Variants in CCDC138 observed in about 807,000 individuals in gnomAD.
CCDC138 encodes coiled-coil domain-containing protein 138.
CCDC138 carries 66 observed loss-of-function variants against 82.3 expected under a neutral mutation model. The observed-to-expected ratio is 0.80, with a 90% CI of 0.66 to 0.98. The LOEUF is 0.98. Ranked by LOEUF, CCDC138 falls within the 50% of genes least tolerant of loss-of-function variation. The pLI, the probability that CCDC138 is intolerant of heterozygous loss-of-function variation, is 0.00. For synonymous variants in CCDC138, 297 were observed against 265.4 expected, an observed-to-expected ratio of 1.12 and a Z score of -1.16; for missense variants, 816 against 758.9, an observed-to-expected ratio of 1.08 and a Z score of -0.88.
chr2:108,854,026 ATATTATATATAATATATAATAAATT>A, intron 12 of CCDC138, among the ~76,000 whole-genome samples: 1 of 108,176 alleles, frequency 9.2e-6, no homozygotes, highest in African/African-American at 3.7e-5. Flanking sequence ...TAATAAATTT[ATATTATATATAATATATAATAAATT>A]TATATTATAT....
chr2:108,876,801 T>C (rs72836527), downstream of CCDC138, among the ~76,000 whole-genome samples: 1,770 of 152,292 alleles, frequency 0.012, 16 homozygotes, highest in Non-Finnish European at 0.02. Flanking sequence ...GTTTTCAAAA[T>C]AATTATTACT....
intron 14 of CCDC138, among the ~76,000 whole-genome samples, chr2:108,874,074 A>G (rs1695667645): frequency 6.6e-6 from 1 of 152,204 alleles, no homozygotes; most frequent in Non-Finnish European, 1.5e-5. Context: ...TAAATGCTTC[A>G]TATAAAAGTA....
Position 108,794,501 on chromosome 2 carries a change from TTAA to T in CCDC138, c.395-35_395-33del, listed in dbSNP as rs776558409. 4.5e-6 allele frequency: 7 copies of T among 1,544,602 alleles called. No individual in the cohort carries two copies. The South Asian group carries it at 7.3e-5, about 16-fold the overall frequency. ...CTCTGAGAATATTTGAAACAATAAG[TTAA>T]TAAAGTTTATAATGCAAATGTTATT... On this transcript the variant is annotated intron_variant, in intron 4 of 14. Transcript: ENST00000295124.
chr2:108,786,828 G>A lies in CCDC138; in HGVS notation c.6G>A (p.Glu2=), dbSNP rs763585553. 1.9e-6 allele frequency: 3 copies of A among 1,589,944 alleles called. No individual in the cohort carries two copies. The highest frequency in any genetic ancestry group is 3.4e-4 in the Middle Eastern group (2 of 5,954). The change falls in exon 1 of 15, where the codon GAG becomes GAA. Residue 2 remains glutamate, a synonymous_variant. Transcript: ENST00000295124. M[E]PRVVKPPGQD... is the part of the protein sequence containing the mutation. ...TGGTACGGTTGCTGTGTGCTATGGA[G>A]CCGAGGGTCGTCAAGCCACCGGGGC...
chr2:108,851,600 G>T (rs565160826), intron 12 of CCDC138, among the ~76,000 whole-genome samples: 1 of 152,180 alleles, frequency 6.6e-6, no homozygotes, highest in African/African-American at 2.4e-5. Flanking sequence ...ACCGCGCCCG[G>T]CCTTTCTCTT....
In CCDC138 at chr2:108,846,877, A is replaced by G. The variant is rs1010171106; in HGVS notation, c.1463A>G (p.Asn488Ser). Residue 488 changes from asparagine (N) to serine (S), a missense_variant, in exon 12 of 15, where the codon AAT becomes AGT. By Grantham distance (46) the Asn-to-Ser change is conservative (BLOSUM62 1). Coordinates refer to ENST00000295124, the MANE Select transcript of CCDC138 (RefSeq NM_144978.3). ...ACAGCTGCTTTCTTTAAGAGCTCCA[A>G]TTTGCCATTGAGATTTTTATCAACC... ...PKTAAFFKSS[N>S]LPLRFLSTLI... is the part of the protein sequence containing the mutation. 22 of 1,613,588 alleles carry G rather than the reference A, an allele frequency of 1.4e-5. No homozygotes were observed. Among genetic ancestry groups the G allele is most frequent in the South Asian group, 2.2e-5 (2 of 91,064 alleles).
At chr2:108,831,700 T>TTCCTTC (rs1553418473) in intron 10 of CCDC138, among the ~76,000 whole-genome samples, 1 of 145,152 alleles carries the variant, frequency 6.9e-6, no homozygotes, top group African/African-American at 2.6e-5. Context: ...TGGCACAGAA[T>TTCCTTC]CTTCCTTCCT....
intron 14 of CCDC138, among the ~76,000 whole-genome samples, chr2:108,875,870 A>G (rs962502532): frequency 1.3e-5 from 2 of 152,102 alleles, no homozygotes; most frequent in African/African-American, 4.8e-5. Context: ...AAGAAAAAAA[A>G]GTTTTCTTTT....
At chr2:108,844,409 A>G (rs879777607) in intron 11 of CCDC138, among the ~76,000 whole-genome samples, 13 of 88,180 alleles carry the variant, frequency 1.5e-4, no homozygotes, top group Admixed American at 7.9e-4. Context: ...TTCTTTTTCT[A>G]TGTCTTCTTT....
intron 13 of CCDC138, among the ~76,000 whole-genome samples, chr2:108,859,561 G>A (rs1693221965): frequency 6.6e-6 from 1 of 151,922 alleles, no homozygotes; most frequent in African/African-American, 2.4e-5. Flanking sequence ...GTTCCATCTT[G>A]AGTTAATTTT....
chr2:108,842,670 A>T (rs1435995381), intron 11 of CCDC138, among the ~76,000 whole-genome samples: 3 of 152,054 alleles, frequency 2.0e-5, no homozygotes, highest in Non-Finnish European at 2.9e-5. Context: ...ATTAGGGAGG[A>T]GTTGTCTAAG....
At chr2:108,828,710 G>T (rs1049184584) in intron 10 of CCDC138, among the ~76,000 whole-genome samples, 2 of 152,124 alleles carry the variant, frequency 1.3e-5, no homozygotes, top group African/African-American at 4.8e-5. Flanking sequence ...TGGGCGTGGT[G>T]GTTCACATTT....
chr2:108,878,450 C>T (rs1288056309), downstream of CCDC138: 4 of 215,838 alleles, frequency 1.9e-5, no homozygotes, highest in Admixed American at 8.2e-5. Context: ...AGAGGAACCA[C>T]GCTGGGTCTG....
At chr2:108,790,774 AG>A (rs1180981532) in intron 3 of CCDC138, among the ~76,000 whole-genome samples, 1 of 152,100 alleles carries the variant, frequency 6.6e-6, no homozygotes, top group Non-Finnish European at 1.5e-5. Context: ...GTGGGTTTGC[AG>A]GGGGCGAGCC....
intron 11 of CCDC138, among the ~76,000 whole-genome samples, chr2:108,840,980 T>C (rs891626288): frequency 3.3e-5 from 5 of 151,758 alleles, no homozygotes; most frequent in Non-Finnish European, 7.4e-5. Flanking sequence ...CCTGGCTAAT[T>C]TTTGTGTTTT....
chr2:108,820,838 A>G (rs946945474), intron 10 of CCDC138, among the ~76,000 whole-genome samples: 22 of 152,216 alleles, frequency 1.4e-4, no homozygotes, highest in African/African-American at 4.1e-4. Flanking sequence ...AAATTACTAA[A>G]GAGAGTCCTT....
At chr2:108,812,165 A>G (rs1323860445) in intron 7 of CCDC138, among the ~76,000 whole-genome samples, 1 of 152,168 alleles carries the variant, frequency 6.6e-6, no homozygotes, top group Non-Finnish European at 1.5e-5. Context: ...ATGGATAGGA[A>G]GACTCAATAT....
intron 12 of CCDC138, among the ~76,000 whole-genome samples, chr2:108,851,465 C>T (rs1346790032): frequency 6.6e-6 from 1 of 152,112 alleles, no homozygotes; most frequent in Non-Finnish European, 1.5e-5. Context: ...CCATGCCCAG[C>T]TAATTTTTGT....
At chr2:108,881,269 C>G (rs1422977136), downstream of CCDC138, among the ~76,000 whole-genome samples, 1 of 152,186 alleles carries the variant, frequency 6.6e-6, no homozygotes, top group Non-Finnish European at 1.5e-5. Flanking sequence ...TGATTTCTTT[C>G]CTAAAACCTC....
Sources: gnomAD v4.1 joint callset for allele counts (sites outside exome capture counted in the v4.1 genomes callset) on GRCh38, gnomAD v4.1.1 for gene constraint, MANE v1.5 for transcripts, NCBI Gene and HGNC (gene_info 2026-07-23, HGNC 2026-07-21) for gene names.